Variants in PTPN14 observed in about 807,000 individuals in gnomAD.
PTPN14 encodes the protein protein tyrosine phosphatase non-receptor type 14.
PTPN14 carries 53 observed loss-of-function variants against 126.8 expected under a neutral mutation model. That is an observed-to-expected ratio of 0.42 (90% CI 0.34 to 0.53). The LOEUF is 0.53. Ranked by LOEUF, PTPN14 falls within the 20% of genes least tolerant of loss-of-function variation. PTPN14 has a pLI of 0.08. For synonymous variants in PTPN14, 630 were observed against 599.3 expected (o/e 1.05, Z -0.75); for missense variants, 1,257 against 1,552.9 (o/e 0.81, Z 3.20).
At chr1:214,456,095 CCA>C (rs373138273) in intron 2 of PTPN14, among the ~76,000 whole-genome samples, 2 of 147,322 alleles carry the variant, frequency 1.4e-5, no homozygotes, top group African/African-American at 4.9e-5. Context: ...TTTTGTTTTT[CCA>C]GTTTTGTGAC....
chr1:214,383,734 G>A lies in PTPN14; in HGVS notation c.2121C>T (p.Ser707=). 7 of 1,613,516 alleles carry A rather than the reference G, an allele frequency of 4.3e-6. No individual in the cohort carries two copies. The highest frequency in any genetic ancestry group is 5.9e-6 in the Non-Finnish European group (7 of 1,180,026). Residue 707 remains serine, a synonymous_variant, in exon 13 of 19, where the codon AGC becomes AGT. Transcript: ENST00000366956. This position sits in a 1 kb window ranked among gnomAD's most constrained non-coding sequence, Gnocchi z 4.4. ...TFSDATMLIH[S]SESEEEEEEA... is the part of the protein sequence containing the mutation. ...CCTCCTCCTCCTCCTCACTCTCGCT[G>A]CTGTGGATTAGCATAGTGGCATCAG...
At chr1:214,492,116 TATTC>T (rs1379115420) in intron 1 of PTPN14, among the ~76,000 whole-genome samples, 2 of 152,092 alleles carry the variant, frequency 1.3e-5, no homozygotes, top group Non-Finnish European at 2.9e-5. Flanking sequence ...TAAAATATGA[TATTC>T]ATTAATTCAT....
intron 3 of PTPN14, among the ~76,000 whole-genome samples, chr1:214,428,431 C>A (rs1356927633): frequency 6.6e-6 from 1 of 152,162 alleles, no homozygotes; most frequent in African/African-American, 2.4e-5. Context: ...CCTACATATT[C>A]AAAATAGTCA....
chr1:214,402,801 T>A (rs1659063906), intron 6 of PTPN14, 82 bp downstream of exon 6: 1 of 1,480,454 alleles, frequency 6.8e-7, no homozygotes, highest in Non-Finnish European at 9.4e-7. Context: ...CCAGAGTTGC[T>A]GATAGGGAGA....
At chr1:214,527,468 A>G (rs1261663661) in intron 1 of PTPN14, among the ~76,000 whole-genome samples, 1 of 152,208 alleles carries the variant, frequency 6.6e-6, no homozygotes, top group African/African-American at 2.4e-5. Flanking sequence ...AAAGGGATTT[A>G]ATCACCCTAA....
At chr1:214,360,834 G>T (rs1423193772) in intron 18 of PTPN14, among the ~76,000 whole-genome samples, 2 of 152,202 alleles carry the variant, frequency 1.3e-5, no homozygotes, top group African/African-American at 4.8e-5. Context: ...ATCTCATGTT[G>T]ACTGGAAATC....
intron 5 of PTPN14, among the ~76,000 whole-genome samples, chr1:214,409,391 G>A (rs1475102495): frequency 6.6e-6 from 1 of 152,096 alleles, no homozygotes; most frequent in African/African-American, 2.4e-5. Context: ...TCCATCTTAT[G>A]GCAAATGACA....
At chr1:214,532,214 C>T (rs766931606) in intron 1 of PTPN14, 1 of 377,174 alleles carries the variant, frequency 2.7e-6, no homozygotes, top group Non-Finnish European at 5.1e-6. Context: ...ACCACTTGCT[C>T]CAACTTCTCC....
intron 3 of PTPN14, among the ~76,000 whole-genome samples, chr1:214,431,300 T>C (rs564926087): frequency 6.6e-6 from 1 of 152,346 alleles, no homozygotes; most frequent in African/African-American, 2.4e-5. Context: ...TTAGAGTTGG[T>C]ATGTACACCA....
Position 214,505,340 on chromosome 1 carries a change from G to A in PTPN14, c.-154-40383C>T, listed in dbSNP as rs1021458333. On this transcript the variant is annotated intron_variant, in intron 1 of 18. Coordinates refer to ENST00000366956, the MANE Select transcript of PTPN14 (RefSeq NM_005401.5). ...AAACATCTCGAGCAGGGGACTACCC[G>A]AGATGGTAACGCTTCAAGGAGAAGG... is the stretch of plus-strand genomic sequence containing the variant. Among the ~76,000 whole-genome samples, 8 of 152,144 alleles carry A rather than the reference G, an allele frequency of 5.3e-5. No homozygotes were observed. The East Asian group carries it at 5.8e-4, about 11-fold the overall frequency.
chr1:214,350,212 G>A lies in PTPN14; in HGVS notation c.*7710C>T, dbSNP rs1285534042. On this transcript the variant is annotated 3_prime_UTR_variant, in exon 19 of 19. Coordinates refer to ENST00000366956, the MANE Select transcript of PTPN14 (RefSeq NM_005401.5). ...TAAAATGTTTCTGGGCAGCCCAAAGGTTTACCACCTGTTTCACTAGAATGG... is the reference window on the plus strand; with the variant it reads ...TAAAATGTTTCTGGGCAGCCCAAAGATTTACCACCTGTTTCACTAGAATGG... The A allele has an allele frequency of 6.6e-6, 1 of 152,154 alleles. No homozygotes were observed. The highest frequency in any genetic ancestry group is 1.5e-5 in the Non-Finnish European group (1 of 68,024). 9.4% of individuals were successfully genotyped at this position (152,154 alleles called of 1,614,324 possible).
intron 3 of PTPN14, among the ~76,000 whole-genome samples, chr1:214,450,483 AAAAAAGAAAAAG>A (rs202068762): frequency 6.6e-6 from 1 of 151,540 alleles, no homozygotes; most frequent in Non-Finnish European, 1.5e-5. Flanking sequence ...AATTAAAAAA[AAAAAAGAAAAAG>A]AAAAAGAAAA....
intron 5 of PTPN14, among the ~76,000 whole-genome samples, chr1:214,405,481 C>T (rs562051841): frequency 6.6e-6 from 1 of 152,020 alleles, no homozygotes; most frequent in Non-Finnish European, 1.5e-5. Flanking sequence ...TCAATACATG[C>T]TTCTTGAACT....
intron 1 of PTPN14, among the ~76,000 whole-genome samples, chr1:214,469,740 A>C (rs2102659198): frequency 6.6e-6 from 1 of 151,576 alleles, no homozygotes; most frequent in East Asian, 1.9e-4. Flanking sequence ...TTTGGGTGCT[A>C]GAGATGGGTC....
chr1:214,500,038 C>G (rs1239113097), intron 1 of PTPN14, among the ~76,000 whole-genome samples: 1 of 151,448 alleles, frequency 6.6e-6, no homozygotes, highest in African/African-American at 2.4e-5. Context: ...CACACATTGT[C>G]CGCAAATGTC....
intron 4 of PTPN14, 61 bp downstream of exon 4, chr1:214,414,568 C>T: frequency 1.4e-6 from 2 of 1,434,760 alleles, no homozygotes; most frequent in Middle Eastern, 1.7e-4. Flanking sequence ...TCTGAGAGGC[C>T]AGCAACACCA....
chr1:214,421,495 T>A (rs77869201), intron 3 of PTPN14, among the ~76,000 whole-genome samples: 2 of 152,106 alleles, frequency 1.3e-5, no homozygotes, highest in African/African-American at 4.8e-5. Context: ...TTGTATACTT[T>A]AAAGTGGTTA....
At chr1:214,470,942 T>A (rs573934231) in intron 1 of PTPN14, among the ~76,000 whole-genome samples, 25 of 151,172 alleles carry the variant, frequency 1.7e-4, no homozygotes, top group Admixed American at 1.4e-3. Flanking sequence ...GGAGAATCAC[T>A]TGAACCTGGG....
At chr1:214,520,039 C>A (rs1303696737) in intron 1 of PTPN14, among the ~76,000 whole-genome samples, 1 of 86,184 alleles carries the variant, frequency 1.2e-5, no homozygotes, top group African/African-American at 5.2e-5. Flanking sequence ...CAGAAAAAAA[C>A]CCTGTCTCAA....
Sources: allele counts gnomAD v4.1 joint callset (sites outside exome capture counted in the v4.1 genomes callset), GRCh38; gene constraint gnomAD v4.1.1; non-coding constraint Gnocchi (gnomAD v3.1); transcripts MANE v1.5; gene names NCBI Gene and HGNC (gene_info 2026-07-23, HGNC 2026-07-21).